Variants in FAM168A observed in about 807,000 individuals in gnomAD.
FAM168A encodes the protein protein FAM168A.
In FAM168A, 3 loss-of-function variants were observed where a neutral mutation model predicts 28.5. The ratio of observed to expected loss-of-function variants is 0.11; its 90% confidence interval spans 0.05 to 0.27. The LOEUF is 0.27. FAM168A is among the 10% of genes least tolerant of loss of function. The probability of loss-of-function intolerance (pLI) is 1.00; values close to 1 mark genes in which losing one functional copy is unlikely to be tolerated. For synonymous variants in FAM168A, 122 were observed against 124.2 expected, an observed-to-expected ratio of 0.98 and a Z score of 0.12; for missense variants, 222 against 311.5, an observed-to-expected ratio of 0.71 and a Z score of 2.16.
At chr11:73,441,120 G>A (rs192518862) in intron 2 of FAM168A, among the ~76,000 whole-genome samples, 132 of 150,932 alleles carry the variant, frequency 8.7e-4, no homozygotes, top group South Asian at 2.7e-3. Flanking sequence ...GTGCAGTGGC[G>A]CTATCTCAGT....
At chr11:73,484,477 T>C (rs961036780) in intron 1 of FAM168A, among the ~76,000 whole-genome samples, 5 of 143,416 alleles carry the variant, frequency 3.5e-5, no homozygotes, top group African/African-American at 1.0e-4. Context: ...TTCTGGGTTC[T>C]CTAGAGGGGC....
intron 1 of FAM168A, among the ~76,000 whole-genome samples, chr11:73,508,663 G>GGT (rs1027680188): frequency 4.6e-5 from 7 of 151,610 alleles, no homozygotes; most frequent in South Asian, 2.1e-4. Flanking sequence ...GAGTACTAGG[G>GGT]GTGTGTGTGT....
At chr11:73,581,610 A>G (rs1330002966) in intron 1 of FAM168A, among the ~76,000 whole-genome samples, 3 of 152,124 alleles carry the variant, frequency 2.0e-5, no homozygotes, top group African/African-American at 7.2e-5. Flanking sequence ...TCTTCTTTCA[A>G]AAATAAGCTC....
At chr11:73,460,784 G>A (rs547951801) in intron 2 of FAM168A, among the ~76,000 whole-genome samples, 10 of 152,246 alleles carry the variant, frequency 6.6e-5, no homozygotes, top group South Asian at 2.1e-4. Flanking sequence ...GATTACAGGC[G>A]TGAGCCACTG....
In FAM168A at chr11:73,411,477, G is replaced by T; in HGVS notation, c.337C>A (p.Pro113Thr). The stretch of plus-strand genomic sequence containing the variant: ...TAGGGGTTGGGTGATGGGGAGTAGG[G>T]GGGTGGAGCAGTGTTACTCTGGGTC... Reference protein sequence around the residue: ...PPTQSNTAPPPYSPSPNPYQT... With the variant: ...PPTQSNTAPPTYSPSPNPYQT... The change falls in exon 5 of 8, where the codon CCC (proline) becomes ACC (threonine). Residue 113 changes from proline to threonine, a missense_variant. Around this residue, in one of 3 missense-constraint regions of FAM168A, gnomAD observed 153 missense variants for 189.2 expected, o/e 0.81. Transcript: ENST00000356467. 1.2e-6 allele frequency: 2 copies of T among 1,613,888 alleles called. No homozygotes were observed. Among genetic ancestry groups the T allele is most frequent in the Non-Finnish European group, 1.7e-6 (2 of 1,179,856 alleles).
intron 1 of FAM168A, among the ~76,000 whole-genome samples, chr11:73,581,472 G>GA (rs1273811553): frequency 2.6e-5 from 4 of 152,144 alleles, no homozygotes; most frequent in African/African-American, 9.7e-5. Flanking sequence ...CTTTACATGG[G>GA]AAAAAACTGA....
At chr11:73,565,081 A>G (rs904917326) in intron 1 of FAM168A, among the ~76,000 whole-genome samples, 1 of 152,160 alleles carries the variant, frequency 6.6e-6, no homozygotes, top group Non-Finnish European at 1.5e-5. Flanking sequence ...CTGCCACAGA[A>G]GCTCATTTAA....
intron 1 of FAM168A, among the ~76,000 whole-genome samples, chr11:73,578,552 C>T (rs1218875446): frequency 6.6e-6 from 1 of 152,176 alleles, no homozygotes; most frequent in Non-Finnish European, 1.5e-5. Context: ...AGAATATCTG[C>T]CCTAAAACTG....
intron 1 of FAM168A, among the ~76,000 whole-genome samples, chr11:73,586,547 T>C (rs1022911933): frequency 2.6e-5 from 4 of 152,236 alleles, no homozygotes; most frequent in African/African-American, 4.8e-5. Context: ...ACACAATGAA[T>C]GTTAATTTCC....
At chr11:73,595,738 C>G (rs942251498) in intron 1 of FAM168A, among the ~76,000 whole-genome samples, 1 of 152,156 alleles carries the variant, frequency 6.6e-6, no homozygotes, top group Admixed American at 6.5e-5. Flanking sequence ...TACAATGCGA[C>G]TACATCAACA....
intron 2 of FAM168A, among the ~76,000 whole-genome samples, chr11:73,452,816 ATAATAATAAGT>A (rs1555021944): frequency 6.7e-6 from 1 of 148,190 alleles, no homozygotes; most frequent in African/African-American, 2.6e-5. Flanking sequence ...AAAAAAAATA[ATAATAATAAGT>A]AAAATAATGA....
In FAM168A at chr11:73,531,946, A is replaced by G. The variant is rs1943518829; in HGVS notation, c.-18-63454T>C. Among the ~76,000 whole-genome samples, 4 of 149,718 alleles carry G rather than the reference A, an allele frequency of 2.7e-5. No individual in the cohort carries two copies. In the South Asian group the frequency reaches 8.5e-4, roughly 32 times the overall value. ...CACCCTCCCAGGTAGCTGGAACCAC[A>G]GGCGCACACCATCATGCCTGGCTAA... On this transcript the variant is annotated intron_variant, in intron 1 of 7. Transcript: ENST00000356467.
At chr11:73,432,458 T>G (rs2134513963) in intron 2 of FAM168A, among the ~76,000 whole-genome samples, 1 of 152,242 alleles carries the variant, frequency 6.6e-6, no homozygotes, top group South Asian at 2.1e-4. Context: ...ATTATTATTA[T>G]TATTATAGCC....
rs1289429532 is a variant in FAM168A at position 73,444,515 on chromosome 11, T to C, written c.71-13745A>G. ...CATTCTCTGAATACAGGTAATTTTTTGTATACTGTTGTGAGTATGTGTATT... is the reference window on the plus strand; with the variant it reads ...CATTCTCTGAATACAGGTAATTTTTCGTATACTGTTGTGAGTATGTGTATT... On this transcript the variant is annotated intron_variant, in intron 2 of 7. Coordinates refer to ENST00000356467, the MANE Select transcript of FAM168A (RefSeq NM_015159.3). Among the ~76,000 whole-genome samples, 3 of 152,378 alleles carry C rather than the reference T, an allele frequency of 2.0e-5. No individual in the cohort carries two copies. The East Asian group carries it at 5.8e-4, about 29-fold the overall frequency.
rs916466941 is a variant in FAM168A, at chr11:73,597,940, C to T, written c.-36G>A. The T allele has an allele frequency of 1.3e-5, 2 of 156,340 alleles. No homozygotes were observed. The highest frequency in any genetic ancestry group is 2.8e-5 in the Non-Finnish European group (2 of 71,224). The allele number at this position is 156,340 out of a possible 1,614,324, so 9.7% of individuals were successfully genotyped here. A position where few individuals can be genotyped will look rare whatever the true frequency, so the allele number is the denominator to read the frequency against. On this transcript the variant is annotated 5_prime_UTR_variant, in exon 1 of 8. Transcript: ENST00000356467. The stretch of plus-strand genomic sequence containing the variant: ...CTCCTCACCGGTGAGCAGCTGCAGG[C>T]GAAAACGGCGGCGGCGGCGGCTGAG...
chr11:73,528,863 G>C (rs1326811488), intron 1 of FAM168A, among the ~76,000 whole-genome samples: 1 of 147,884 alleles, frequency 6.8e-6, no homozygotes, highest in Non-Finnish European at 1.5e-5. Context: ...CATAAATTTT[G>C]CTTCCTAATA....
At chr11:73,565,419 A>G (rs916752956) in intron 1 of FAM168A, among the ~76,000 whole-genome samples, 2 of 152,210 alleles carry the variant, frequency 1.3e-5, no homozygotes, top group Non-Finnish European at 2.9e-5. Context: ...ATGCTCATTG[A>G]GACAGGAGGT....
intron 1 of FAM168A, among the ~76,000 whole-genome samples, chr11:73,535,366 T>C (rs1943563655): frequency 1.3e-5 from 2 of 150,580 alleles, no homozygotes; most frequent in African/African-American, 4.9e-5. Context: ...TAGCCTCCCA[T>C]GTAGCTAGGA....
chr11:73,546,656 T>TG (rs757989476), intron 1 of FAM168A, among the ~76,000 whole-genome samples: 47 of 148,544 alleles, frequency 3.2e-4, no homozygotes, highest in Middle Eastern at 3.6e-3. Flanking sequence ...TGCTTGAAAC[T>TG]GGGAGGTGGA....
Sources: gnomAD v4.1 joint callset for allele counts (sites outside exome capture counted in the v4.1 genomes callset) on GRCh38, gnomAD v4.1.1 for gene constraint, gnomAD v4.1.1 regional missense constraint, MANE v1.5 for transcripts, NCBI Gene and HGNC (gene_info 2026-07-23, HGNC 2026-07-21) for gene names.